SCFD2: variants seen among roughly 807,000 people sequenced by gnomAD.
SCFD2 encodes the protein sec1 family domain containing 2, also known as sec1 family domain-containing protein 2.
SCFD2 carries 54 observed loss-of-function variants against 58.9 expected under a neutral mutation model. The ratio of observed to expected loss-of-function variants is 0.92; its 90% CI spans 0.74 to 1.15. SCFD2 has a LOEUF of 1.15. Among genes scored for constraint, SCFD2 ranks in the 50% most tolerant of loss-of-function variants. The pLI is 0.00. For synonymous variants in SCFD2, 321 were observed against 335.9 expected (o/e 0.96, Z 0.49); for missense variants, 805 against 836.6 (o/e 0.96, Z 0.47).
intron 4 of SCFD2, among the ~76,000 whole-genome samples, chr4:53,248,868 A>T (rs188351762): frequency 2.4e-4 from 37 of 152,362 alleles, no homozygotes; most frequent in Non-Finnish European, 4.4e-4. Context: ...AACAGAACAG[A>T]AAAACTCGAA....
chr4:53,170,328 A>C (rs1484360316), intron 4 of SCFD2, among the ~76,000 whole-genome samples: 1 of 152,168 alleles, frequency 6.6e-6, no homozygotes, highest in African/African-American at 2.4e-5. Context: ...TCTTTGGCAA[A>C]AATCAATTTT....
At chr4:53,216,420 T>TA (rs768732940) in intron 4 of SCFD2, among the ~76,000 whole-genome samples, 12 of 152,348 alleles carry the variant, frequency 7.9e-5, no homozygotes, top group Non-Finnish European at 1.0e-4. Flanking sequence ...CTAGATTTTC[T>TA]AGTTTATTTG....
At chr4:53,281,296 A>C (rs1338033445) in intron 3 of SCFD2, among the ~76,000 whole-genome samples, 1 of 152,240 alleles carries the variant, frequency 6.6e-6, no homozygotes, top group Non-Finnish European at 1.5e-5. Flanking sequence ...TCCAATTACA[A>C]GGTTGCATAG....
chr4:52,900,710 T>G (rs1045877814), intron 7 of SCFD2, among the ~76,000 whole-genome samples: 4 of 152,212 alleles, frequency 2.6e-5, no homozygotes, highest in African/African-American at 9.6e-5. Flanking sequence ...TATTGCTGTC[T>G]TTTGTTTGTC....
chr4:52,958,213 C>A (rs1467180252), intron 5 of SCFD2: 1 of 152,218 alleles, frequency 6.6e-6, no homozygotes, highest in African/African-American at 2.4e-5. Flanking sequence ...AGAAAATACA[C>A]TCATGCGTAA....
chr4:53,172,556 C>T (rs957678906), intron 4 of SCFD2, among the ~76,000 whole-genome samples: 2 of 152,076 alleles, frequency 1.3e-5, no homozygotes, highest in African/African-American at 4.8e-5. Context: ...TTTCATTTTT[C>T]TCAGGACATT....
chr4:53,324,807 C>T (rs1294216119), intron 2 of SCFD2, among the ~76,000 whole-genome samples: 3 of 152,162 alleles, frequency 2.0e-5, no homozygotes, highest in East Asian at 1.9e-4. Context: ...GATAAGTTTG[C>T]ATATGAGAGG....
At chr4:52,890,289 A>G (rs1248757005) in intron 7 of SCFD2, among the ~76,000 whole-genome samples, 1 of 152,216 alleles carries the variant, frequency 6.6e-6, no homozygotes, top group African/African-American at 2.4e-5. Flanking sequence ...ATGAAAAGGG[A>G]AAAAAAGAAA....
chr4:53,182,393 G>A (rs1247773402), intron 4 of SCFD2, among the ~76,000 whole-genome samples: 1 of 152,128 alleles, frequency 6.6e-6, no homozygotes, highest in Non-Finnish European at 1.5e-5. Flanking sequence ...ACAAAAACAA[G>A]CAATGGGGAA....
intron 5 of SCFD2, among the ~76,000 whole-genome samples, chr4:53,005,300 A>G (rs1260535282): frequency 2.0e-5 from 3 of 152,162 alleles, no homozygotes; most frequent in Non-Finnish European, 4.4e-5. Flanking sequence ...ACTTTTCCAT[A>G]AAGTTGCAAG....
At chr4:52,887,024 T>C (rs542710248) in intron 7 of SCFD2, among the ~76,000 whole-genome samples, 1 of 152,380 alleles carries the variant, frequency 6.6e-6, no homozygotes, top group South Asian at 2.1e-4. Flanking sequence ...GTTGGCCATC[T>C]TCTCTACTGG....
intron 4 of SCFD2, among the ~76,000 whole-genome samples, chr4:53,171,620 C>G (rs1339408083): frequency 6.6e-6 from 1 of 152,142 alleles, no homozygotes; most frequent in South Asian, 2.1e-4. Flanking sequence ...AGCAATAAAG[C>G]CATCAGGTCC....
intron 5 of SCFD2, among the ~76,000 whole-genome samples, chr4:52,998,849 C>T (rs1040839124): frequency 8.5e-5 from 13 of 152,118 alleles, no homozygotes; most frequent in African/African-American, 3.1e-4. Flanking sequence ...GCCATTAACA[C>T]ACTGTTTAGA....
chr4:53,070,921 C>T (rs889042796), intron 5 of SCFD2, among the ~76,000 whole-genome samples: 4 of 152,084 alleles, frequency 2.6e-5, no homozygotes, highest in African/African-American at 9.7e-5. Flanking sequence ...TTCTTGCTTA[C>T]TAATGAAACT....
chr4:53,187,466 G>A (rs986939053), intron 4 of SCFD2, among the ~76,000 whole-genome samples: 5 of 151,910 alleles, frequency 3.3e-5, no homozygotes, highest in African/African-American at 9.7e-5. Context: ...GGAAATTGAG[G>A]CATTTATACC....
intron 5 of SCFD2, among the ~76,000 whole-genome samples, chr4:53,139,449 G>C (rs1231210282): frequency 7.6e-6 from 1 of 130,800 alleles, no homozygotes; most frequent in Non-Finnish European, 1.8e-5. Context: ...TCTCTGCCCC[G>C]CCGCCACCCC....
intron 7 of SCFD2, among the ~76,000 whole-genome samples, chr4:52,897,952 T>C (rs1283314743): frequency 6.6e-6 from 1 of 152,234 alleles, no homozygotes; most frequent in East Asian, 1.9e-4. Context: ...CAGAGGTGTT[T>C]ATAGTATTCT....
chr4:53,185,382 C>A (rs1459423190), intron 4 of SCFD2, among the ~76,000 whole-genome samples: 1 of 151,990 alleles, frequency 6.6e-6, no homozygotes, highest in Non-Finnish European at 1.5e-5. Context: ...GTAAGTAACT[C>A]TTAGCTGCTT....
chr4:52,965,607 C>T (rs1278598758), intron 5 of SCFD2, among the ~76,000 whole-genome samples: 1 of 152,196 alleles, frequency 6.6e-6, no homozygotes, highest in Non-Finnish European at 1.5e-5. Flanking sequence ...AGCAGAGCAC[C>T]CATGGAGGCT....
Sources: gnomAD v4.1 joint callset for allele counts (sites outside exome capture counted in the v4.1 genomes callset) on GRCh38, gnomAD v4.1.1 for gene constraint, MANE v1.5 for transcripts, NCBI Gene and HGNC (gene_info 2026-07-23, HGNC 2026-07-21) for gene names.